Variants in STXBP5L observed in about 807,000 individuals in gnomAD.
STXBP5L encodes syntaxin-binding protein 5-like.
A neutral mutation model predicts 144.5 loss-of-function variants in STXBP5L; 65 were observed. That is an observed-to-expected ratio of 0.45 (90% CI 0.37 to 0.55). STXBP5L has a LOEUF of 0.55. STXBP5L is among the 20% of genes least tolerant of loss of function. The pLI is 0.00. For missense variants in STXBP5L, 1,298 were observed against 1,405.5 expected, an observed-to-expected ratio of 0.92 and a Z score of 1.22; for synonymous variants, 505 against 469.6, an observed-to-expected ratio of 1.08 and a Z score of -0.97.
intron 3 of STXBP5L, among the ~76,000 whole-genome samples, chr3:121,031,401 C>CATCA (rs10650502): frequency 0.65 from 98,787 of 150,960 alleles, 32,848 homozygotes; most frequent in Admixed American, 0.71. Flanking sequence ...TCTGTCTATT[C>CATCA]ATCAATCAAT....
At chr3:121,305,123 T>A (rs544331504) in intron 19 of STXBP5L, among the ~76,000 whole-genome samples, 21 of 152,226 alleles carry the variant, frequency 1.4e-4, no homozygotes, top group African/African-American at 5.1e-4. Flanking sequence ...ACCAAACACA[T>A]TGGAAAATAT....
intron 20 of STXBP5L, chr3:121,357,875 T>C (rs977837081): frequency 1.3e-5 from 2 of 152,210 alleles, no homozygotes; most frequent in Non-Finnish European, 2.9e-5. Flanking sequence ...GCAATATAGC[T>C]ACAGAGAAGC....
intron 2 of STXBP5L, among the ~76,000 whole-genome samples, chr3:120,923,359 T>G (rs1316980934): frequency 6.6e-6 from 1 of 152,002 alleles, no homozygotes; most frequent in East Asian, 1.9e-4. Context: ...TGATCTTTAT[T>G]ATTTCTTTTT....
Position 121,386,562 on chromosome 3 carries a change from C to A in STXBP5L, c.2587+5030C>A, listed in dbSNP as rs778365663. ...TGCTATCCCTCCCCCAGGTCCCCAC[C>A]CCCCGACAGGTCCCAGTGTGTGATG... On this transcript the variant is annotated intron_variant, in intron 22 of 26. Coordinates refer to ENST00000471454, the MANE Select transcript of STXBP5L (RefSeq NM_001308330.2). Among the ~76,000 whole-genome samples the A allele has an allele frequency of 2.6e-5, 4 of 152,154 alleles. No individual in the cohort carries two copies. In the South Asian group the frequency reaches 8.3e-4, roughly 32 times the overall value.
chr3:121,272,735 A>T (rs2108422977), intron 18 of STXBP5L, among the ~76,000 whole-genome samples: 1 of 152,092 alleles, frequency 6.6e-6, no homozygotes, highest in South Asian at 2.1e-4. Context: ...GATTTTCTGT[A>T]GTGATATGCT....
At chr3:121,004,865 A>G (rs997884758) in intron 3 of STXBP5L, among the ~76,000 whole-genome samples, 7 of 152,070 alleles carry the variant, frequency 4.6e-5, no homozygotes, top group African/African-American at 7.2e-5. Context: ...ATTGATTTGC[A>G]TATGTTGAAC....
rs147829768 is a variant in STXBP5L at position 121,335,218 on chromosome 3, A to G, written c.2176+16678A>G. Among the ~76,000 whole-genome samples the G allele has an allele frequency of 8.3e-3, 1,260 of 152,248 alleles. 17 individuals are homozygous for G. The highest frequency in any genetic ancestry group is 0.027 in the African/African-American group (1,142 of 41,544). The stretch of plus-strand genomic sequence containing the variant: ...CAATCCCATTCACAATTGCCACAAA[A>G]AGAATAAAATACCTAGTAATACAGC... On this transcript the variant is annotated intron_variant, in intron 20 of 26. Transcript: ENST00000471454.
intron 5 of STXBP5L, among the ~76,000 whole-genome samples, chr3:121,056,175 T>C (rs1255397741): frequency 6.6e-6 from 1 of 152,114 alleles, no homozygotes; most frequent in African/African-American, 2.4e-5. Flanking sequence ...TAAACCTAAA[T>C]AGGGAAGAAA....
chr3:121,071,068 C>T (rs1475041881), intron 5 of STXBP5L, among the ~76,000 whole-genome samples: 1 of 152,060 alleles, frequency 6.6e-6, no homozygotes, highest in East Asian at 1.9e-4. Flanking sequence ...TTTAGTCACA[C>T]CTTTTCTGGA....
At chr3:121,292,758 T>G (rs917857764) in intron 19 of STXBP5L, among the ~76,000 whole-genome samples, 1 of 152,210 alleles carries the variant, frequency 6.6e-6, no homozygotes, top group Non-Finnish European at 1.5e-5. Flanking sequence ...TTGGAGACCA[T>G]TATTCTAAGT....
chr3:121,175,605 A>C (rs1017344200), intron 9 of STXBP5L, among the ~76,000 whole-genome samples: 3 of 152,142 alleles, frequency 2.0e-5, no homozygotes, highest in Non-Finnish European at 4.4e-5. Flanking sequence ...AGTGGAGATG[A>C]AATAGAACCA....
intron 4 of STXBP5L, 130 bp downstream of exon 4, chr3:121,041,911 T>G: frequency 1.6e-6 from 1 of 608,184 alleles, no homozygotes; most frequent in Non-Finnish European, 2.9e-6. Flanking sequence ...CTTCTGATTA[T>G]ATTTTTCACA....
At chr3:121,290,270 T>C (rs1003713843) in intron 19 of STXBP5L, among the ~76,000 whole-genome samples, 1 of 152,002 alleles carries the variant, frequency 6.6e-6, no homozygotes, top group Middle Eastern at 3.2e-3. Flanking sequence ...ACTACTATCA[T>C]CACCTTTATG....
At position 121,259,121 on chromosome 3, in the gene STXBP5L, A is replaced by G; in HGVS notation, c.1911A>G (p.Glu637=). ...TTCAATTGGTGTGGGTAGATGGTGA[A>G]CCTCCACAACAGATTACTAGTCTTG... is the stretch of plus-strand genomic sequence containing the variant. ...LVIQLVWVDG[E]PPQQITSLAV... Residue 637 remains glutamate (E), a synonymous_variant, in exon 18 of 27, where the codon GAA becomes GAG. Coordinates refer to ENST00000471454, the MANE Select transcript of STXBP5L (RefSeq NM_001308330.2). The G allele has an allele frequency of 6.2e-7, 1 of 1,601,476 alleles. No individual in the cohort carries two copies. Among genetic ancestry groups the G allele is most frequent in the Non-Finnish European group, 8.5e-7 (1 of 1,172,802 alleles).
intron 9 of STXBP5L, among the ~76,000 whole-genome samples, chr3:121,170,688 A>G (rs1191314697): frequency 6.6e-6 from 1 of 152,224 alleles, no homozygotes; most frequent in Admixed American, 6.5e-5. Flanking sequence ...TCTAAAATTG[A>G]GGCAGTAATT....
At chr3:121,008,952 G>T (rs1008931041) in intron 3 of STXBP5L, among the ~76,000 whole-genome samples, 4 of 151,442 alleles carry the variant, frequency 2.6e-5, no homozygotes, top group Admixed American at 1.3e-4. Flanking sequence ...TTACCAAGTG[G>T]GTGGTTGATC....
At chr3:121,149,642 A>C (rs971878748) in intron 7 of STXBP5L, among the ~76,000 whole-genome samples, 1 of 152,052 alleles carries the variant, frequency 6.6e-6, no homozygotes, top group Non-Finnish European at 1.5e-5. Context: ...CTAAAATCTA[A>C]CTATAGAATT....
chr3:121,238,398 A>G (rs1577278832), intron 12 of STXBP5L, among the ~76,000 whole-genome samples: 1 of 152,066 alleles, frequency 6.6e-6, no homozygotes, highest in East Asian at 1.9e-4. Context: ...GAACTCATTC[A>G]CCTCCAAGAC....
At chr3:120,962,809 A>T (rs1939025035) in intron 3 of STXBP5L, among the ~76,000 whole-genome samples, 1 of 152,198 alleles carries the variant, frequency 6.6e-6, no homozygotes, top group South Asian at 2.1e-4. Context: ...CAATTCTGTG[A>T]AGAAAGTCAT....
Sources: allele counts gnomAD v4.1 joint callset (sites outside exome capture counted in the v4.1 genomes callset), GRCh38; gene constraint gnomAD v4.1.1; transcripts MANE v1.5; gene names NCBI Gene and HGNC (gene_info 2026-07-23, HGNC 2026-07-21).